Variants in EXOSC10 observed in about 807,000 individuals in gnomAD.
EXOSC10 encodes the protein exosome component 10, also known as exosome complex component 10.
EXOSC10 carries 94 observed loss-of-function variants against 126.6 expected under a neutral mutation model. The ratio of observed to expected loss-of-function variants is 0.74; its 90% confidence interval spans 0.63 to 0.88. The LOEUF is 0.88. Among genes scored for constraint, EXOSC10 ranks in the 40% least tolerant of loss-of-function variants. The pLI is 0.00. For missense variants in EXOSC10, 1,041 were observed against 1,100.5 expected (o/e 0.95, Z 0.77); for synonymous variants, 395 against 400.8 (o/e 0.99, Z 0.17).
Position 11,071,980 on chromosome 1 carries a change from C to G in EXOSC10, c.2242+107G>C, listed in dbSNP as rs1570791326. ...CCACCATCCCTCAGCAGAAGGGAAG[C>G]CCCACAGGGGCTTCATTCATCGCCG... On this transcript the variant is annotated intron_variant, in intron 20 of 24. Transcript: ENST00000376936. 4 of 861,774 alleles carry G rather than the reference C, an allele frequency of 4.6e-6. No individual in the cohort carries two copies. In the African/African-American group the frequency reaches 5.0e-5, roughly 11 times the overall value. The allele number at this position is 861,774 out of a possible 1,614,324, so 53.4% of individuals were successfully genotyped here. A position where few individuals can be genotyped will look rare whatever the true frequency, so the allele number is the denominator to read the frequency against.
intron 24 of EXOSC10, 123 bp from the exon 25 acceptor site, chr1:11,066,871 C>G (rs1639126339): frequency 1.7e-6 from 2 of 1,175,162 alleles, no homozygotes; most frequent in Non-Finnish European, 2.5e-6. Flanking sequence ...CTCAGGGGCC[C>G]CAGAGAACTC....
chr1:11,099,553 GC>G, intron 1 of EXOSC10, 167 bp downstream of exon 1: 4 of 623,586 alleles, frequency 6.4e-6, no homozygotes, highest in Non-Finnish European at 1.0e-5. Context: ...CGTTTCCGAG[GC>G]CCCATCCCCG....
intron 2 of EXOSC10, among the ~76,000 whole-genome samples, chr1:11,097,226 A>T (rs1462072147): frequency 1.3e-5 from 2 of 151,866 alleles, no homozygotes; most frequent in East Asian, 3.9e-4. Context: ...CAACAAAAAA[A>T]AAAAAGCTGG....
At chr1:11,077,687 C>T in intron 14 of EXOSC10, 36 bp from the exon 15 acceptor site, 1 of 1,584,956 alleles carries the variant, frequency 6.3e-7, no homozygotes, top group East Asian at 2.3e-5. Flanking sequence ...AGGAAAGTTG[C>T]CCAAGCACCT....
chr1:11,082,746 T>A lies in EXOSC10; in HGVS notation c.1222A>T (p.Lys408Ter), dbSNP rs777389949. Residue 408 changes from lysine (K) to a stop codon, truncating the protein, a stop_gained, in exon 10 of 25, where the codon AAA becomes TAA. Coordinates refer to ENST00000376936, the MANE Select transcript of EXOSC10 (RefSeq NM_001001998.3). LOFTEE classifies it high-confidence loss of function. ...LGRHSLDHLL[K>*]LYCNVDSNKQ... ...TTTGAGTCCACGTTGCAGTAGAGTT[T>A]CAGGAGATGATCGAGTGAGTGCCTG... The A allele has an allele frequency of 1.2e-6, 2 of 1,614,206 alleles. No individual in the cohort carries two copies. Among genetic ancestry groups the A allele is most frequent in the Non-Finnish European group, 1.7e-6 (2 of 1,180,036 alleles).
chr1:11,091,271 C>T (rs1366149308), intron 4 of EXOSC10, 92 bp from the exon 5 acceptor site: 1 of 1,251,360 alleles, frequency 8.0e-7, no homozygotes, highest in Non-Finnish European at 1.1e-6. Flanking sequence ...GAGACAAGAA[C>T]ATCGCAAAGG....
chr1:11,076,743 T>A, intron 17 of EXOSC10, 99 bp downstream of exon 17: 1 of 933,196 alleles, frequency 1.1e-6, no homozygotes, highest in South Asian at 1.4e-5. Flanking sequence ...AGCATTAGTC[T>A]CCGAGTGTAT....
chr1:11,077,807 T>A (rs1057094881), intron 14 of EXOSC10, among the ~76,000 whole-genome samples, 156 bp from the exon 15 acceptor site: 2 of 152,232 alleles, frequency 1.3e-5, no homozygotes, highest in African/African-American at 4.8e-5. Flanking sequence ...CCTGGCATGA[T>A]AATTATTTGG....
chr1:11,075,149 C>T (rs1639737828), intron 17 of EXOSC10, among the ~76,000 whole-genome samples: 1 of 152,144 alleles, frequency 6.6e-6, no homozygotes, highest in African/African-American at 2.4e-5. Context: ...TCTCCTGCCT[C>T]AGCCTCACGA....
In EXOSC10 at chr1:11,074,263, T is replaced by C. The variant is rs1639690335; in HGVS notation, c.2050A>G (p.Ile684Val). The change falls in exon 18 of 25, where the codon ATC becomes GTC. Residue 684 changes from isoleucine to valine, a missense_variant. By Grantham distance (29) the Ile-to-Val change is conservative (BLOSUM62 3). Transcript: ENST00000376936. ...AATGGATTTTCAAAGGACTCCATGATGTTCTGGGCTTTTTTCTGTGCAACT... is the reference window on the plus strand; with the variant it reads ...AATGGATTTTCAAAGGACTCCATGACGTTCTGGGCTTTTTTCTGTGCAACT... ...LTVAQKKAQN[I>V]MESFENPFRM... 6.2e-7 allele frequency: 1 copy of C among 1,614,184 alleles called. No homozygotes were observed. The highest frequency in any genetic ancestry group is 8.5e-7 in the Non-Finnish European group (1 of 1,180,010).
intron 3 of EXOSC10, 98 bp from the exon 4 acceptor site, chr1:11,091,695 G>T: frequency 1.1e-6 from 1 of 906,294 alleles, no homozygotes; most frequent in Non-Finnish European, 1.7e-6. Context: ...GTATCACTCT[G>T]TCACCCAGGC....
At chr1:11,073,226 A>C (rs886095407) in intron 19 of EXOSC10, 2 of 152,162 alleles carry the variant, frequency 1.3e-5, no homozygotes, top group Non-Finnish European at 2.9e-5. Flanking sequence ...TCCGCCCCCC[A>C]GGTTCAAGCG....
rs774565954 is a variant in EXOSC10 at position 11,079,846 on chromosome 1, CAACTT to C, written c.1638-29_1638-25del. 5.1e-5 allele frequency: 79 copies of C among 1,562,304 alleles called. 1 individual carries two copies. Among genetic ancestry groups the C allele is most frequent in the South Asian group, 3.8e-4 (33 of 87,664 alleles). On this transcript the variant is annotated intron_variant, in intron 13 of 24. Transcript: ENST00000376936. Reference sequence around the variant, plus strand: ...CCCTGAAGACAAGTAAGAACACACTCAACTTGTCACTCAGAAACGCAGCCCTTAAA... The same window carrying C: ...CCCTGAAGACAAGTAAGAACACACTCGTCACTCAGAAACGCAGCCCTTAAA...
chr1:11,098,520 G>A (rs1641242608), intron 1 of EXOSC10, among the ~76,000 whole-genome samples: 1 of 152,174 alleles, frequency 6.6e-6, no homozygotes, highest in African/African-American at 2.4e-5. Context: ...AATAAAAAGG[G>A]CCTGCACCAC....
At chr1:11,066,922 G>A (rs1639130561) in intron 24 of EXOSC10, among the ~76,000 whole-genome samples, 174 bp from the exon 25 acceptor site, 2 of 152,234 alleles carry the variant, frequency 1.3e-5, no homozygotes, top group African/African-American at 4.8e-5. Context: ...AGCATCTTGA[G>A]AAGGCAGACC....
At chr1:11,094,736 A>C (rs1302013644) in intron 3 of EXOSC10, among the ~76,000 whole-genome samples, 1 of 151,726 alleles carries the variant, frequency 6.6e-6, no homozygotes, top group East Asian at 2.0e-4. Flanking sequence ...GAATAGCTGG[A>C]ATGACAGGTG....
At position 11,066,756 on chromosome 1, in the gene EXOSC10, G is replaced by A. The variant is rs199575372; in HGVS notation, c.2628-8C>T. The stretch of plus-strand genomic sequence containing the variant: ...CAGTTGTACCTGAAGCCTCTGCAGA[G>A]AGTACAAAAACAACAGTTATTTCTT... On this transcript the variant is annotated splice_polypyrimidine_tract_variant and splice_region_variant and intron_variant, in intron 24 of 24. Transcript: ENST00000376936. 2.2e-5 allele frequency: 36 copies of A among 1,614,070 alleles called. No homozygotes were observed. In the Admixed American group the frequency reaches 3.0e-4, roughly 13 times the overall value.
rs1241577656 is a variant in EXOSC10 at position 11,091,598 on chromosome 1, C to G, written c.373-1G>C. On this transcript the variant is annotated splice_acceptor_variant, in intron 3 of 24. Transcript: ENST00000376936. LOFTEE classifies it high-confidence loss of function. ...CTGAGGCTTCATCCAGTAAAATACC[C>G]TAAGAGTAGAAGAGGTACTGGTTAA... The G allele has an allele frequency of 3.1e-6, 5 of 1,611,582 alleles. No homozygotes were observed. Among genetic ancestry groups the G allele is most frequent in the South Asian group, 1.1e-5 (1 of 91,016 alleles).
chr1:11,098,598 G>A (rs1278322359), intron 1 of EXOSC10, among the ~76,000 whole-genome samples: 4 of 152,188 alleles, frequency 2.6e-5, no homozygotes, highest in Admixed American at 1.3e-4. Flanking sequence ...GCACATAAGC[G>A]TTATTATTAC....
Sources: allele counts gnomAD v4.1 joint callset (sites outside exome capture counted in the v4.1 genomes callset), GRCh38; gene constraint gnomAD v4.1.1; transcripts MANE v1.5; gene names NCBI Gene and HGNC (gene_info 2026-07-23, HGNC 2026-07-21).